Variants in KIRREL3 observed in about 807,000 individuals in gnomAD.
The protein encoded by KIRREL3 is kirre like nephrin family adhesion molecule 3, also known as kin of IRRE-like protein 3.
KIRREL3 carries 36 observed loss-of-function variants against 89.7 expected under a neutral mutation model. The observed-to-expected ratio is 0.40, with a 90% CI of 0.31 to 0.53. The LOEUF (loss-of-function observed/expected upper bound fraction) is 0.53, where lower values mean the gene tolerates loss of function less well. KIRREL3 is among the 20% of genes least tolerant of loss of function. The probability of loss-of-function intolerance (pLI) is 0.49; values close to 1 mark genes in which losing one functional copy is unlikely to be tolerated. For missense variants in KIRREL3, 864 were observed against 1,056.6 expected, an observed-to-expected ratio of 0.82 and a Z score of 2.53; for synonymous variants, 445 against 441.4, an observed-to-expected ratio of 1.01 and a Z score of -0.10.
rs572763977 is a variant in KIRREL3, at chr11:126,948,292, A to T, written c.55+52163T>A. 1.9e-5 allele frequency among the ~76,000 whole-genome samples: 2 copies of T among 103,206 alleles called. No individual in the cohort carries two copies. Among genetic ancestry groups the T allele is most frequent in the African/African-American group, 5.4e-5 (2 of 36,996 alleles). 67.7% of individuals were successfully genotyped at this position (103,206 alleles called of 152,430 possible). On this transcript the variant is annotated intron_variant, in intron 1 of 16. Coordinates refer to ENST00000525144, the MANE Select transcript of KIRREL3 (RefSeq NM_032531.4). This position sits in a 1 kb window ranked among gnomAD's most constrained non-coding sequence, Gnocchi z 4.5. ...GTTGGTCAAATTTCAAGAATAGCAT[A>T]AAAAAAAAACCTCTTTGGCCTGAAC...
chr11:126,625,593 C>G (rs1172679629), intron 1 of KIRREL3, among the ~76,000 whole-genome samples: 2 of 152,164 alleles, frequency 1.3e-5, no homozygotes, highest in Non-Finnish European at 2.9e-5. Context: ...AAACTCCTTG[C>G]ATGATATTCA....
intron 1 of KIRREL3, among the ~76,000 whole-genome samples, chr11:126,730,240 T>C (rs995914645): frequency 6.6e-6 from 1 of 152,228 alleles, no homozygotes; most frequent in African/African-American, 2.4e-5. Context: ...CCCATCCACA[T>C]GGGGGCCCAC....
rs1432801636 is a variant in KIRREL3, at chr11:126,564,260, G to A, written c.56-1348C>T. On this transcript the variant is annotated intron_variant, in intron 1 of 16. Transcript: ENST00000525144. The surrounding 1 kb of genome is among the most constrained non-coding windows in gnomAD (Gnocchi z 7.4). ...AGGCTCAAGAGGATAGACGGAGCGG[G>A]TCATTCCTCTTTCTCCTCTTCCATC... Among the ~76,000 whole-genome samples the A allele has an allele frequency of 6.6e-6, 1 of 152,184 alleles. No homozygotes were observed. Among genetic ancestry groups the A allele is most frequent in the Non-Finnish European group, 1.5e-5 (1 of 68,046 alleles).
chr11:126,834,633 G>A (rs979853571), intron 1 of KIRREL3, among the ~76,000 whole-genome samples: 1 of 152,256 alleles, frequency 6.6e-6, no homozygotes, highest in Non-Finnish European at 1.5e-5. Context: ...ACGTCTAAGA[G>A]TCTTGCCCTA....
intron 1 of KIRREL3, among the ~76,000 whole-genome samples, chr11:126,968,923 A>G (rs546526611): frequency 6.6e-6 from 1 of 152,286 alleles, no homozygotes; most frequent in African/African-American, 2.4e-5. Flanking sequence ...CTCATCTGTA[A>G]AAAACGGGGC....
At chr11:126,451,286 G>A (rs28470640) in intron 7 of KIRREL3, among the ~76,000 whole-genome samples, 64 of 145,170 alleles carry the variant, frequency 4.4e-4, no homozygotes, top group Middle Eastern at 3.8e-3. Flanking sequence ...GCATGTGTGC[G>A]TGTGTGCATG....
rs961129838 is a variant in KIRREL3 at position 126,805,989 on chromosome 11, C to A, written c.55+194466G>T. 1.3e-5 allele frequency among the ~76,000 whole-genome samples: 2 copies of A among 152,156 alleles called. No individual in the cohort carries two copies. The highest frequency in any genetic ancestry group is 4.8e-5 in the African/African-American group (2 of 41,434). On this transcript the variant is annotated intron_variant, in intron 1 of 16. Transcript: ENST00000525144. This position sits in a 1 kb window ranked among gnomAD's most constrained non-coding sequence, Gnocchi z 4.3. ...CAAATCCTCCCTTCAATGACATCAA[C>A]AAATTTAAAAAATCCACACCAAATC...
chr11:126,970,153 A>G lies in KIRREL3; in HGVS notation c.55+30302T>C, dbSNP rs991523101. ...CCCTCAGGGATATATCATGCATTTG[A>G]AAAATTCTTTCTTCTTTCAGTTTTT... On this transcript the variant is annotated intron_variant, in intron 1 of 16. Coordinates refer to ENST00000525144, the MANE Select transcript of KIRREL3 (RefSeq NM_032531.4). The surrounding 1 kb of genome is among the most constrained non-coding windows in gnomAD (Gnocchi z 4.4). 2.6e-5 allele frequency among the ~76,000 whole-genome samples: 4 copies of G among 152,314 alleles called. No homozygotes were observed. Among genetic ancestry groups the G allele is most frequent in the African/African-American group, 9.6e-5 (4 of 41,578 alleles).
intron 1 of KIRREL3, among the ~76,000 whole-genome samples, chr11:126,857,834 AAGG>A (rs1279864157): frequency 6.7e-6 from 1 of 150,232 alleles, no homozygotes; most frequent in Non-Finnish European, 1.5e-5. Flanking sequence ...ATGTGAATGG[AAGG>A]AGGACTGCAG....
chr11:126,760,477 C>T (rs1565709247), intron 1 of KIRREL3, among the ~76,000 whole-genome samples: 2 of 152,228 alleles, frequency 1.3e-5, no homozygotes, highest in Non-Finnish European at 2.9e-5. Context: ...CATGGTCAAT[C>T]TTGAGCTTAT....
rs1160691513 is a variant in KIRREL3, at chr11:126,876,011, G to A, written c.55+124444C>T. Among the ~76,000 whole-genome samples the A allele has an allele frequency of 6.6e-6, 1 of 152,156 alleles. No homozygotes were observed. Among genetic ancestry groups the A allele is most frequent in the African/African-American group, 2.4e-5 (1 of 41,432 alleles). On this transcript the variant is annotated intron_variant, in intron 1 of 16. Transcript: ENST00000525144. The surrounding 1 kb of genome is among the most constrained non-coding windows in gnomAD (Gnocchi z 4.1). ...TGAATCTCGGGTTCCCTGGAGGTAG[G>A]GAGTGCAGCATGGCACTGCTTGGCT...
At chr11:126,861,458 C>T (rs1250053070) in intron 1 of KIRREL3, among the ~76,000 whole-genome samples, 1 of 152,140 alleles carries the variant, frequency 6.6e-6, no homozygotes, top group Non-Finnish European at 1.5e-5. Context: ...CCTCTACCCT[C>T]TAACCCCTTG....
intron 1 of KIRREL3, among the ~76,000 whole-genome samples, chr11:126,670,050 G>T (rs116286661): frequency 0.023 from 3,541 of 152,096 alleles, 59 homozygotes; most frequent in African/African-American, 0.041. Context: ...TGTCCTGTTG[G>T]CTCTTGTTTC....
At position 126,594,620 on chromosome 11, in the gene KIRREL3, G is replaced by A. The variant is rs1484543686; in HGVS notation, c.56-31708C>T. Among the ~76,000 whole-genome samples the A allele has an allele frequency of 6.6e-6, 1 of 151,488 alleles. No individual in the cohort carries two copies. The highest frequency in any genetic ancestry group is 1.5e-5 in the Non-Finnish European group (1 of 68,038). ...CCTTGCTGGGCCTCAGAGGCCTCAT[G>A]AGTGGTGCCTTTAAGAGTGCAATGA... On this transcript the variant is annotated intron_variant, in intron 1 of 16. Transcript: ENST00000525144. The surrounding 1 kb of genome is among the most constrained non-coding windows in gnomAD (Gnocchi z 5.0).
chr11:126,991,829 G>T lies in KIRREL3; in HGVS notation c.55+8626C>A, dbSNP rs1756022325. Among the ~76,000 whole-genome samples the T allele has an allele frequency of 6.6e-6, 1 of 152,144 alleles. No individual in the cohort carries two copies. Among genetic ancestry groups the T allele is most frequent in the African/African-American group, 2.4e-5 (1 of 41,442 alleles). On this transcript the variant is annotated intron_variant, in intron 1 of 16. Coordinates refer to ENST00000525144, the MANE Select transcript of KIRREL3 (RefSeq NM_032531.4). This position sits in a 1 kb window ranked among gnomAD's most constrained non-coding sequence, Gnocchi z 5.8. ...ACACCACAGCTTAGGATACTCTCCT[G>T]CATTTTTTAGTGTTGATGTGGAACA...
intron 1 of KIRREL3, among the ~76,000 whole-genome samples, chr11:126,589,190 T>C (rs1175730986): frequency 1.3e-5 from 2 of 152,226 alleles, no homozygotes; most frequent in African/African-American, 4.8e-5. Context: ...TCTCCTCTGT[T>C]CATCACGAGA....
intron 1 of KIRREL3, among the ~76,000 whole-genome samples, chr11:126,585,226 T>G (rs1324249117): frequency 8.1e-6 from 1 of 123,318 alleles, no homozygotes; most frequent in Non-Finnish European, 1.7e-5. Flanking sequence ...GCCTCTTTTT[T>G]TTTTTTTTTT....
rs1230955277 is a variant in KIRREL3, at chr11:126,764,051, C to T, written c.56-201139G>A. 6.6e-6 allele frequency among the ~76,000 whole-genome samples: 1 copy of T among 152,068 alleles called. No homozygotes were observed. Among genetic ancestry groups the T allele is most frequent in the African/African-American group, 2.4e-5 (1 of 41,394 alleles). ...AAGGAAAGGTGGGTTATACAGATGC[C>T]CAGTGATATTTCAGAAGCTCTAATT... On this transcript the variant is annotated intron_variant, in intron 1 of 16. Coordinates refer to ENST00000525144, the MANE Select transcript of KIRREL3 (RefSeq NM_032531.4). This position sits in a 1 kb window ranked among gnomAD's most constrained non-coding sequence, Gnocchi z 4.2.
intron 5 of KIRREL3, among the ~76,000 whole-genome samples, chr11:126,472,058 G>C (rs1456745107): frequency 2.0e-5 from 3 of 152,196 alleles, no homozygotes; most frequent in Non-Finnish European, 4.4e-5. Context: ...GGCAGCCCTG[G>C]AAAGTGGCCA....
Sources: gnomAD v4.1 joint callset for allele counts (sites outside exome capture counted in the v4.1 genomes callset) on GRCh38, gnomAD v4.1.1 for gene constraint, Gnocchi (gnomAD v3.1) non-coding constraint, MANE v1.5 for transcripts, NCBI Gene and HGNC (gene_info 2026-07-23, HGNC 2026-07-21) for gene names.